The following PGAM1 variants were observed in gnomAD, a reference collection of about 807,000 sequenced individuals.
PGAM1 encodes phosphoglycerate mutase 1, also known as BPG-dependent PGAM 1.
Under a neutral mutation model 23.5 loss-of-function variants are expected in PGAM1, and 21 were observed. The observed-to-expected ratio is 0.89, with a 90% CI of 0.63 to 1.29. The LOEUF (loss-of-function observed/expected upper bound fraction) is 1.29, where lower values mean the gene tolerates loss of function less well. PGAM1 is among the 50% of genes most tolerant of loss of function. PGAM1 has a pLI of 0.00. For missense variants in PGAM1, 232 were observed against 336.3 expected, an observed-to-expected ratio of 0.69 and a Z score of 2.42; for synonymous variants, 109 against 128.6, an observed-to-expected ratio of 0.85 and a Z score of 1.03.
intron 1 of PGAM1, 100 bp downstream of exon 1, chr10:97,426,546 G>T: frequency 7.2e-7 from 1 of 1,391,892 alleles, no homozygotes. Flanking sequence ...CGGCACCTTG[G>T]GCAGCATCTC....
Position 97,426,208 on chromosome 10 carries a change from C to G in PGAM1, c.-100C>G. On this transcript the variant is annotated 5_prime_UTR_variant, in exon 1 of 4. Transcript: ENST00000334828. ...ATTTGGGCGAGAACTTGCGCGGGAG[C>G]CGGACTGAGCGGTGCGAGCGCGCAG... 6.4e-7 allele frequency: 1 copy of G among 1,561,248 alleles called. No individual in the cohort carries two copies. The highest frequency in any genetic ancestry group is 8.8e-7 in the Non-Finnish European group (1 of 1,140,656).
At position 97,433,390 on chromosome 10, in the gene PGAM1, CTG is replaced by C. The variant is rs781758113; in HGVS notation, c.*868_*869del. 1 of 152,490 alleles carries C rather than the reference CTG, an allele frequency of 6.6e-6. No individual in the cohort carries two copies. The highest frequency in any genetic ancestry group is 1.5e-5 in the Non-Finnish European group (1 of 68,014). The allele number at this position is 152,490 out of a possible 1,614,324, so 9.4% of individuals were successfully genotyped here. A position where few individuals can be genotyped will look rare whatever the true frequency, so the allele number is the denominator to read the frequency against. ...GGGTCCAGTGTTCATCTGAGCATAA[CTG>C]TACTAAATCCTTTTTCCATATCAGT... is the stretch of plus-strand genomic sequence containing the variant. On this transcript the variant is annotated 3_prime_UTR_variant, in exon 4 of 4. Transcript: ENST00000334828.
chr10:97,427,591 C>T (rs1021734513), intron 1 of PGAM1: 15 of 1,172,632 alleles, frequency 1.3e-5, no homozygotes, highest in Non-Finnish European at 1.5e-5. Flanking sequence ...AACTGGTAGG[C>T]TTTTGGCTAA....
chr10:97,426,244 C>T lies in PGAM1; in HGVS notation c.-64C>T, dbSNP rs1309575093. On this transcript the variant is annotated 5_prime_UTR_variant, in exon 1 of 4. The change creates a new upstream start codon in the 5' untranslated region. Coordinates refer to ENST00000334828, the MANE Select transcript of PGAM1 (RefSeq NM_002629.4). ...GGTGCGAGCGCGCAGGCGCGGCCGA[C>T]GGGGCGGGCTGCTACTCCGGAATCT... 7.5e-6 allele frequency: 12 copies of T among 1,606,844 alleles called. No individual in the cohort carries two copies. In the East Asian group the frequency reaches 2.5e-4, roughly 33 times the overall value.
intron 3 of PGAM1, among the ~76,000 whole-genome samples, chr10:97,431,932 T>A (rs1845475359): frequency 6.6e-6 from 1 of 151,102 alleles, no homozygotes; most frequent in Non-Finnish European, 1.5e-5. Context: ...AAAGAAAAAA[T>A]TCTCCTTAGT....
rs372418632 is a variant in PGAM1, at chr10:97,432,302, A to T, written c.596-53A>T. On this transcript the variant is annotated intron_variant, in intron 3 of 3. Coordinates refer to ENST00000334828, the MANE Select transcript of PGAM1 (RefSeq NM_002629.4). ...CACCTGGAGGACAAAGTAAACCTGGAGGGGTGATGTGGATTTATGTCTTGT... is the reference window on the plus strand; with the variant it reads ...CACCTGGAGGACAAAGTAAACCTGGTGGGGTGATGTGGATTTATGTCTTGT... The T allele has an allele frequency of 2.1e-4, 338 of 1,608,464 alleles. No homozygotes were observed. The African/African-American group carries it at 4.2e-3, about 20-fold the overall frequency.
intron 1 of PGAM1, among the ~76,000 whole-genome samples, chr10:97,429,048 A>G (rs1845440065): frequency 7.2e-6 from 1 of 139,600 alleles, no homozygotes; most frequent in Admixed American, 7.2e-5. Context: ...TTATGGTGGG[A>G]GGGTGAATAA....
rs1213754406 is a variant in PGAM1 at position 97,430,365 on chromosome 10, C to G, written c.140-14C>G. ...GACCTGGTTAGCTTATCACTTTGAA[C>G]TTCTGATTTCCAGATGCTGGCTATG... On this transcript the variant is annotated splice_polypyrimidine_tract_variant and intron_variant, in intron 1 of 3. Coordinates refer to ENST00000334828, the MANE Select transcript of PGAM1 (RefSeq NM_002629.4). 6.2e-7 allele frequency: 1 copy of G among 1,611,892 alleles called. No individual in the cohort carries two copies. Among genetic ancestry groups the G allele is most frequent in the Admixed American group, 1.7e-5 (1 of 60,018 alleles).
rs1845488544 is a variant in PGAM1 at position 97,433,028 on chromosome 10, G to C, written c.*504G>C. 6.3e-6 allele frequency: 1 copy of C among 158,724 alleles called. No homozygotes were observed. The highest frequency in any genetic ancestry group is 1.4e-5 in the Non-Finnish European group (1 of 72,348). The allele number at this position is 158,724 out of a possible 1,614,324, so 9.8% of individuals were successfully genotyped here. On this transcript the variant is annotated 3_prime_UTR_variant, in exon 4 of 4. Transcript: ENST00000334828. ...GACAACTGTTTCCTCCCTGACCCCA[G>C]AGGATCTGGCTCTAGGTTGGGATCA... is the stretch of plus-strand genomic sequence containing the variant.
intron 1 of PGAM1, among the ~76,000 whole-genome samples, chr10:97,426,801 A>G (rs973558021): frequency 6.6e-6 from 1 of 152,246 alleles, no homozygotes; most frequent in African/African-American, 2.4e-5. Context: ...GGGGAGGCCG[A>G]GGCGGGTGGA....
exon 4 of PGAM1, chr10:97,433,442 GCTT>G (rs1453910727): frequency 6.5e-6 from 1 of 152,774 alleles, no homozygotes; most frequent in East Asian, 1.9e-4. Flanking sequence ...ATGTGCAATA[GCTT>G]CTTGTGTGAT....
At chr10:97,426,661 C>G (rs1189647080) in intron 1 of PGAM1, among the ~76,000 whole-genome samples, 1 of 152,278 alleles carries the variant, frequency 6.6e-6, no homozygotes, top group Non-Finnish European at 1.5e-5. Context: ...GGGGAGGACC[C>G]AGGGCGGTCG....
At position 97,432,441 on chromosome 10, in the gene PGAM1, A is replaced by T; in HGVS notation, c.682A>T (p.Lys228Ter). The change falls in exon 4 of 4, where the codon AAG becomes TAG. Residue 228 changes from lysine to a stop codon, truncating the protein, a stop_gained. Coordinates refer to ENST00000334828, the MANE Select transcript of PGAM1 (RefSeq NM_002629.4). LOFTEE classifies it high-confidence loss of function. ...ATTGGACAAGAACTTGAAGCCTATC[A>T]AGCCCATGCAGTTTCTGGGGGATGA... ...YELDKNLKPIKPMQFLGDEET... is the reference protein window; with the variant it reads ...YELDKNLKPI 1.2e-6 allele frequency: 2 copies of T among 1,611,130 alleles called. No homozygotes were observed. The highest frequency in any genetic ancestry group is 1.7e-6 in the Non-Finnish European group (2 of 1,179,268).
At position 97,426,388 on chromosome 10, in the gene PGAM1, C is replaced by T. The variant is rs768570621; in HGVS notation, c.81C>T (p.Asp27=). The stretch of plus-strand genomic sequence containing the variant: ...AGAACCGCTTCAGCGGCTGGTACGA[C>T]GCCGACCTGAGCCCGGCGGGCCACG... ...NLENRFSGWY[D]ADLSPAGHEE... Residue 27 remains aspartate (D), a synonymous_variant, in exon 1 of 4, where the codon GAC becomes GAT. Coordinates refer to ENST00000334828, the MANE Select transcript of PGAM1 (RefSeq NM_002629.4). 1.2e-6 allele frequency: 2 copies of T among 1,607,004 alleles called. No individual in the cohort carries two copies. The highest frequency in any genetic ancestry group is 2.2e-5 in the East Asian group (1 of 44,720).
chr10:97,431,329 T>C (rs1030562182), intron 3 of PGAM1, among the ~76,000 whole-genome samples, 194 bp downstream of exon 3: 1 of 152,202 alleles, frequency 6.6e-6, no homozygotes, highest in Non-Finnish European at 1.5e-5. Flanking sequence ...TAGTGACAGC[T>C]GGACCCCCTG....
At chr10:97,431,221 G>T in intron 3 of PGAM1, 86 bp downstream of exon 3, 1 of 1,490,414 alleles carries the variant, frequency 6.7e-7, no homozygotes, top group South Asian at 1.1e-5. Context: ...GGAGTCTAGG[G>T]AAGGGCTGGA....
chr10:97,428,966 A>G (rs1845439602), intron 1 of PGAM1, among the ~76,000 whole-genome samples: 1 of 152,168 alleles, frequency 6.6e-6, no homozygotes, highest in African/African-American at 2.4e-5. Context: ...TGAATTTCTA[A>G]GAGGGCCTTC....
At chr10:97,426,527 G>T in intron 1 of PGAM1, 81 bp downstream of exon 1, 1 of 1,453,352 alleles carries the variant, frequency 6.9e-7, no homozygotes, top group Non-Finnish European at 9.1e-7. Context: ...GCGCCCTCTC[G>T]GAGAGGGCCG....
rs371884477 is a variant in PGAM1, at chr10:97,427,233, C to T, written c.139+787C>T. 188 of 982,398 alleles carry T rather than the reference C, an allele frequency of 1.9e-4. No homozygotes were observed. In the African/African-American group the frequency reaches 3.1e-3, roughly 16 times the overall value. 60.9% of individuals were successfully genotyped at this position (982,398 alleles called of 1,614,324 possible). On this transcript the variant is annotated intron_variant, in intron 1 of 3. Transcript: ENST00000334828. ...CTACGGATCCTAGCGGATCGACACG[C>T]CACACAGCCTCGTCCCCAGCAGTAG... is the stretch of plus-strand genomic sequence containing the variant.
Sources: gnomAD v4.1 joint callset for allele counts (sites outside exome capture counted in the v4.1 genomes callset) on GRCh38, gnomAD v4.1.1 for gene constraint, MANE v1.5 for transcripts, NCBI Gene and HGNC (gene_info 2026-07-23, HGNC 2026-07-21) for gene names.